The following ROBO2 variants were observed in gnomAD, a reference collection of about 807,000 sequenced individuals.
ROBO2 encodes roundabout homolog 2.
A neutral mutation model predicts 160.8 loss-of-function variants in ROBO2; 53 were observed. That is an observed-to-expected ratio of 0.33 (90% confidence interval 0.26 to 0.41). The LOEUF is 0.41. ROBO2 is among the 10% of genes least tolerant of loss of function. The pLI, the probability that ROBO2 is intolerant of heterozygous loss-of-function variation, is 1.00. For synonymous variants in ROBO2, 664 were observed against 611.7 expected (o/e 1.09, Z -1.26); for missense variants, 1,577 against 1,722.4 (o/e 0.92, Z 1.49).
intron 2 of ROBO2, among the ~76,000 whole-genome samples, chr3:76,630,661 C>T (rs2089975265): frequency 6.6e-6 from 1 of 152,028 alleles, no homozygotes; most frequent in Non-Finnish European, 1.5e-5. Context: ...AGCTAAGCCA[C>T]CTGAGTGGTG....
chr3:77,554,439 C>T (rs979221635), intron 8 of ROBO2, among the ~76,000 whole-genome samples: 14 of 152,034 alleles, frequency 9.2e-5, no homozygotes, highest in Middle Eastern at 6.8e-3. Flanking sequence ...AATATATTTT[C>T]CAAGGCTATA....
At position 76,461,201 on chromosome 3, in the gene ROBO2, G is replaced by A. The variant is rs541623592; in HGVS notation, c.109+523599G>A. ...GGGGAGCAGGCATGTCACATGGCCT[G>A]AGTGGAGCAAGGCTGGGGTTGTAGG... On this transcript the variant is annotated intron_variant, in intron 2 of 26. Coordinates refer to the ROBO2 transcript ENST00000487694. Among the ~76,000 whole-genome samples, 506 of 152,266 alleles carry A rather than the reference G, an allele frequency of 3.3e-3. 1 individual carries two copies. Among genetic ancestry groups the A allele is most frequent in the Middle Eastern group, 0.01 (3 of 294 alleles).
intron 2 of ROBO2, among the ~76,000 whole-genome samples, chr3:77,231,270 C>G (rs114432317): frequency 0.03 from 4,173 of 139,090 alleles, 64 homozygotes; most frequent in Middle Eastern, 0.066. Flanking sequence ...GGCTGAGACA[C>G]AAGAATCGCT....
intron 2 of ROBO2, among the ~76,000 whole-genome samples, chr3:76,605,644 TTA>T (rs533630347): frequency 1.3e-5 from 2 of 152,052 alleles, no homozygotes; most frequent in Non-Finnish European, 2.9e-5. Context: ...AATAAATTGC[TTA>T]GAGGAGGGAG....
chr3:76,847,492 G>A (rs1577018391), intron 2 of ROBO2, among the ~76,000 whole-genome samples: 1 of 152,168 alleles, frequency 6.6e-6, no homozygotes, highest in Non-Finnish European at 1.5e-5. Flanking sequence ...TGTATTTGGA[G>A]AGTGATACTT....
At chr3:76,671,583 T>A (rs1053173598) in intron 2 of ROBO2, among the ~76,000 whole-genome samples, 2 of 152,262 alleles carry the variant, frequency 1.3e-5, no homozygotes, top group African/African-American at 2.4e-5. Flanking sequence ...GAAAATCACA[T>A]ATAATGTTTC....
intron 1 of ROBO2, among the ~76,000 whole-genome samples, chr3:77,068,756 A>G (rs1159927249): frequency 6.6e-6 from 1 of 152,178 alleles, no homozygotes; most frequent in East Asian, 1.9e-4. Context: ...TCCACAGTAT[A>G]GTGCCCAGCC....
chr3:77,608,997 T>C (rs1464903233), intron 21 of ROBO2, among the ~76,000 whole-genome samples: 1 of 151,834 alleles, frequency 6.6e-6, no homozygotes, highest in African/African-American at 2.4e-5. Context: ...TAACTAGAAT[T>C]TTCTATGTCA....
At chr3:77,274,022 T>C (rs1204120300) in intron 2 of ROBO2, among the ~76,000 whole-genome samples, 1 of 152,058 alleles carries the variant, frequency 6.6e-6, no homozygotes, top group African/African-American at 2.4e-5. Flanking sequence ...CTATACTGAG[T>C]TTATTAATGA....
intron 2 of ROBO2, among the ~76,000 whole-genome samples, chr3:77,221,789 A>G (rs2085829048): frequency 6.6e-6 from 1 of 151,530 alleles, no homozygotes; most frequent in Non-Finnish European, 1.5e-5. Flanking sequence ...AAAATATGCT[A>G]TATATTTGTT....
chr3:76,859,878 A>G (rs1261260906), intron 2 of ROBO2, among the ~76,000 whole-genome samples: 3 of 152,148 alleles, frequency 2.0e-5, no homozygotes. Flanking sequence ...TCATTGGAAC[A>G]CTGAGGAAAC....
chr3:76,587,953 T>G (rs2086161884), intron 2 of ROBO2, among the ~76,000 whole-genome samples: 1 of 152,168 alleles, frequency 6.6e-6, no homozygotes, highest in African/African-American at 2.4e-5. Context: ...TTTAGCTAGC[T>G]TTGTTACTGA....
intron 2 of ROBO2, among the ~76,000 whole-genome samples, chr3:76,442,962 C>T (rs1421866210): frequency 6.6e-6 from 1 of 151,924 alleles, no homozygotes; most frequent in East Asian, 1.9e-4. Context: ...TTAATCGAAG[C>T]TGGGTAATTT....
At chr3:76,322,117 A>C (rs1206716299) in intron 2 of ROBO2, among the ~76,000 whole-genome samples, 1 of 143,634 alleles carries the variant, frequency 7.0e-6, no homozygotes, top group Non-Finnish European at 1.5e-5. Flanking sequence ...TATCTTGTGC[A>C]AATCATCTTC....
At chr3:77,417,020 A>G (rs975850885) in intron 2 of ROBO2, among the ~76,000 whole-genome samples, 2 of 152,152 alleles carry the variant, frequency 1.3e-5, no homozygotes, top group African/African-American at 2.4e-5. Flanking sequence ...AAGCTACTCT[A>G]AAGTCTAGGA....
At chr3:76,064,112 A>G (rs1209488242) in intron 2 of ROBO2, among the ~76,000 whole-genome samples, 1 of 152,138 alleles carries the variant, frequency 6.6e-6, no homozygotes, top group Non-Finnish European at 1.5e-5. Context: ...AAGACCTCCA[A>G]GTTTCACGTG....
At chr3:76,283,705 A>G (rs1465180724) in intron 2 of ROBO2, among the ~76,000 whole-genome samples, 1 of 152,044 alleles carries the variant, frequency 6.6e-6, no homozygotes, top group Non-Finnish European at 1.5e-5. Context: ...GAAATGCTAA[A>G]ATGAAGAATG....
intron 2 of ROBO2, among the ~76,000 whole-genome samples, chr3:76,616,691 A>G (rs2088611691): frequency 1.3e-5 from 2 of 152,226 alleles, no homozygotes; most frequent in African/African-American, 2.4e-5. Flanking sequence ...ATGTAATAAC[A>G]TGTAAGACAT....
At chr3:77,095,642 C>T (rs1214777733) in intron 1 of ROBO2, among the ~76,000 whole-genome samples, 2 of 152,164 alleles carry the variant, frequency 1.3e-5, no homozygotes, top group African/African-American at 4.8e-5. Context: ...TGAAAAGTGA[C>T]ATAAAACTCT....
Sources: gnomAD v4.1 joint callset for allele counts (sites outside exome capture counted in the v4.1 genomes callset) on GRCh38, gnomAD v4.1.1 for gene constraint, MANE v1.5 for transcripts, NCBI Gene and HGNC (gene_info 2026-07-23, HGNC 2026-07-21) for gene names.